Variants in TOMM40 observed in about 807,000 individuals in gnomAD.
The protein encoded by TOMM40 is translocase of outer mitochondrial membrane 40, also known as mitochondrial import receptor subunit TOM40 homolog.
Under a neutral mutation model 38.4 loss-of-function variants are expected in TOMM40, and 9 were observed. The observed-to-expected ratio is 0.23, with a 90% confidence interval of 0.14 to 0.41. The LOEUF (loss-of-function observed/expected upper bound fraction) is 0.41. Among genes scored for constraint, TOMM40 ranks in the 10% least tolerant of loss-of-function variants. The probability of loss-of-function intolerance (pLI) is 1.00; values close to 1 mark genes in which losing one functional copy is unlikely to be tolerated. For synonymous variants in TOMM40, 184 were observed against 210.0 expected, an observed-to-expected ratio of 0.88 and a Z score of 1.07; for missense variants, 299 against 486.5, an observed-to-expected ratio of 0.61 and a Z score of 3.63.
chr19:44,903,244 A>C lies in TOMM40; in HGVS notation c.*75A>C. ...CACCTCCCCCTGCCACAGAGGGGAGACCTGAGCCCCCCTCCCTTCCCTCCC... is the reference window on the plus strand; with the variant it reads ...CACCTCCCCCTGCCACAGAGGGGAGCCCTGAGCCCCCCTCCCTTCCCTCCC... On this transcript the variant is annotated 3_prime_UTR_variant, in exon 9 of 9. Transcript: ENST00000426677. 7.0e-7 allele frequency: 1 copy of C among 1,423,914 alleles called. No individual in the cohort carries two copies. The highest frequency in any genetic ancestry group is 9.5e-7 in the Non-Finnish European group (1 of 1,053,520). 88.2% of individuals were successfully genotyped at this position (1,423,914 alleles called of 1,614,324 possible).
At chr19:44,900,700 G>A (rs1435228937) in intron 5 of TOMM40, 30 bp from the exon 6 acceptor site, 2 of 1,611,864 alleles carry the variant, frequency 1.2e-6, no homozygotes, top group Admixed American at 3.3e-5. Context: ...ACTCAGGGTG[G>A]GTGGAAACTG....
chr19:44,894,770 C>T (rs1189195019), intron 5 of TOMM40, among the ~76,000 whole-genome samples: 1 of 152,072 alleles, frequency 6.6e-6, no homozygotes, highest in Non-Finnish European at 1.5e-5. Flanking sequence ...AGTCGGGACT[C>T]GTGAAAGGAA....
intron 2 of TOMM40, among the ~76,000 whole-genome samples, 180 bp downstream of exon 2, chr19:44,892,640 G>A (rs1969489077): frequency 6.6e-6 from 1 of 152,174 alleles, no homozygotes; most frequent in South Asian, 2.1e-4. Flanking sequence ...CAGAGGTACT[G>A]TCTCCCCATA....
chr19:44,901,616 T>C (rs1162318706), intron 8 of TOMM40: 2 of 572,926 alleles, frequency 3.5e-6, no homozygotes, highest in Non-Finnish European at 5.8e-6. Flanking sequence ...TGCGGGTGCC[T>C]ATAGTCCCAA....
chr19:44,893,037 C>T, intron 3 of TOMM40, 108 bp downstream of exon 3: 1 of 858,428 alleles, frequency 1.2e-6, no homozygotes, highest in South Asian at 1.7e-5. Context: ...TACCGAGAGC[C>T]TGGAGATGGG....
intron 3 of TOMM40, 25 bp downstream of exon 3, chr19:44,892,954 A>G (rs1280714320): frequency 6.3e-7 from 1 of 1,587,464 alleles, no homozygotes; most frequent in Non-Finnish European, 8.6e-7. Context: ...TCATCCATTC[A>G]TTGTATCCTT....
chr19:44,896,003 T>G (rs1969558070), intron 5 of TOMM40, among the ~76,000 whole-genome samples: 1 of 152,128 alleles, frequency 6.6e-6, no homozygotes, highest in African/African-American at 2.4e-5. Context: ...CGTCCACCAT[T>G]GTCCCCATCT....
intron 5 of TOMM40, among the ~76,000 whole-genome samples, chr19:44,898,566 C>G (rs1278103189): frequency 8.1e-6 from 1 of 123,808 alleles, no homozygotes; most frequent in African/African-American, 3.1e-5. Flanking sequence ...AAGTCTTGCA[C>G]TGTCTCCCAG....
At position 44,891,427 on chromosome 19, in the gene TOMM40, G is replaced by T; in HGVS notation, c.12G>T (p.Val4=). The T allele has an allele frequency of 7.7e-7, 1 of 1,293,948 alleles. No individual in the cohort carries two copies. The highest frequency in any genetic ancestry group is 3.1e-5 in the East Asian group (1 of 32,082). 80.2% of individuals were successfully genotyped at this position (1,293,948 alleles called of 1,614,324 possible). A position where few individuals can be genotyped will look rare whatever the true frequency, so the allele number is the denominator to read the frequency against. ...CCTAGCAGGCGACCATGGGGAACGT[G>T]TTGGCTGCCAGCTCGCCGCCCGCAG... The part of the protein sequence containing the change: MGN[V]LAASSPPAGP... Residue 4 remains valine (V), a synonymous_variant, in exon 1 of 9, where the codon GTG becomes GTT. Transcript: ENST00000426677.
At chr19:44,896,252 G>T (rs1008479342) in intron 5 of TOMM40, among the ~76,000 whole-genome samples, 1 of 152,168 alleles carries the variant, frequency 6.6e-6, no homozygotes, top group Non-Finnish European at 1.5e-5. Context: ...GCCGTGTGCC[G>T]GTCAGGGCTG....
At chr19:44,896,462 G>A (rs1192582476) in intron 5 of TOMM40, among the ~76,000 whole-genome samples, 1 of 152,206 alleles carries the variant, frequency 6.6e-6, no homozygotes, top group Non-Finnish European at 1.5e-5. Flanking sequence ...TCAGCACTGG[G>A]CCACATGCAC....
At chr19:44,892,807 G>A (rs375603559) in intron 2 of TOMM40, 30 bp from the exon 3 acceptor site, 4 of 1,573,964 alleles carry the variant, frequency 2.5e-6, no homozygotes, top group Non-Finnish European at 3.5e-6. Flanking sequence ...TATCTGTCCA[G>A]TATCGTCACA....
Position 44,892,869 on chromosome 19 carries a change from G to C in TOMM40, c.375G>C (p.Gly125=). Residue 125 remains glycine, a synonymous_variant, in exon 3 of 9, where the codon GGG becomes GGC. Coordinates refer to ENST00000426677, the MANE Select transcript of TOMM40 (RefSeq NM_001128917.2). ...ACACAGTAGCCCTCAGCACAATCGG[G>C]GAGTCCAACTACCACTTCGGGGTCA... The part of the protein sequence containing the change: ...VNHTVALSTI[G]ESNYHFGVTY... 2 of 1,613,940 alleles carry C rather than the reference G, an allele frequency of 1.2e-6. No homozygotes were observed.
At chr19:44,895,793 C>T (rs1278925434) in intron 5 of TOMM40, among the ~76,000 whole-genome samples, 1 of 152,102 alleles carries the variant, frequency 6.6e-6, no homozygotes, top group African/African-American at 2.4e-5. Context: ...GTGATCCACC[C>T]GCCCCGGCCT....
chr19:44,892,511 C>G lies in TOMM40; in HGVS notation c.342+51C>G, dbSNP rs1354836825. 7 of 1,544,820 alleles carry G rather than the reference C, an allele frequency of 4.5e-6. No individual in the cohort carries two copies. In the East Asian group the frequency reaches 9.0e-5, roughly 20 times the overall value. On this transcript the variant is annotated intron_variant, in intron 2 of 8. Coordinates refer to ENST00000426677, the MANE Select transcript of TOMM40 (RefSeq NM_001128917.2). The stretch of plus-strand genomic sequence containing the variant: ...ACCAGAGATCGTCCCCGCCGTCCCC[C>G]TCCCTGCATCTGCACACTCGGCCCA...
Position 44,900,721 on chromosome 19 carries a change from T to C in TOMM40, c.644-9T>C. On this transcript the variant is annotated splice_polypyrimidine_tract_variant and intron_variant, in intron 5 of 8. Coordinates refer to ENST00000426677, the MANE Select transcript of TOMM40 (RefSeq NM_001128917.2). ...GGTGGGTGGAAACTGATCGTCATTT[T>C]GCCCACAGGAATCCTCGTAGCCCAC... is the stretch of plus-strand genomic sequence containing the variant. 6.2e-7 allele frequency: 1 copy of C among 1,612,112 alleles called. No homozygotes were observed. The highest frequency in any genetic ancestry group is 8.5e-7 in the Non-Finnish European group (1 of 1,179,856).
Position 44,903,404 on chromosome 19 carries a change from G to T in TOMM40, c.*235G>T, listed in dbSNP as rs537788098. 7.8e-5 allele frequency: 36 copies of T among 458,636 alleles called. No homozygotes were observed. The East Asian group carries it at 1.2e-3, about 15-fold the overall frequency. The allele number at this position is 458,636 out of a possible 1,614,324, so 28.4% of individuals were successfully genotyped here. ...GCATGCCCAGTGGGCCTGGGGTCCC[G>T]GGAGGGATTCCGGAATTGAGGGGCA... On this transcript the variant is annotated 3_prime_UTR_variant, in exon 9 of 9. Transcript: ENST00000426677.
intron 1 of TOMM40, among the ~76,000 whole-genome samples, chr19:44,891,918 C>T (rs534409988): frequency 3.3e-5 from 5 of 152,260 alleles, no homozygotes; most frequent in Admixed American, 3.3e-4. Flanking sequence ...CTTTAGGGAC[C>T]TGAGGAGCCC....
chr19:44,902,821 G>T, intron 8 of TOMM40: 1 of 579,512 alleles, frequency 1.7e-6, no homozygotes, highest in Non-Finnish European at 2.9e-6. Context: ...CTTTTCAGAG[G>T]GCAGGGGTCA....
Sources: gnomAD v4.1 joint callset for allele counts (sites outside exome capture counted in the v4.1 genomes callset) on GRCh38, gnomAD v4.1.1 for gene constraint, MANE v1.5 for transcripts, NCBI Gene and HGNC (gene_info 2026-07-23, HGNC 2026-07-21) for gene names.